The following BTD variants were observed in gnomAD, a reference collection of about 807,000 sequenced individuals.
BTD encodes the protein biotinidase, also known as biocytinase.
A neutral mutation model predicts 17.7 loss-of-function variants in BTD; 13 were observed. The observed-to-expected ratio is 0.74, with a 90% CI of 0.48 to 1.17. The LOEUF (loss-of-function observed/expected upper bound fraction) is 1.17, where lower values mean the gene tolerates loss of function less well. Ranked by LOEUF, BTD falls within the 50% of genes most tolerant of loss-of-function variation. BTD has a pLI of 0.00. For synonymous variants in BTD, 240 were observed against 245.2 expected (o/e 0.98, Z 0.20); for missense variants, 674 against 650.4 (o/e 1.04, Z -0.39).
chr3:15,627,275 C>T (rs2065089473), intron 1 of BTD, among the ~76,000 whole-genome samples: 1 of 152,190 alleles, frequency 6.6e-6, no homozygotes, highest in Non-Finnish European at 1.5e-5. Flanking sequence ...CCTCTTAAGA[C>T]AGGGTCCTGC....
At chr3:15,685,761 A>G (rs555754101) in intron 3 of BTD, among the ~76,000 whole-genome samples, 1 of 152,324 alleles carries the variant, frequency 6.6e-6, no homozygotes, top group African/African-American at 2.4e-5. Context: ...AAAAAGTCAA[A>G]TTGACATTAA....
At position 15,707,991 on chromosome 3, in the gene BTD, C is replaced by G. The variant is rs777128523; in HGVS notation, c.400-2069C>G. On this transcript the variant is annotated intron_variant, in intron 3 of 3. Coordinates refer to the BTD transcript ENST00000672141. ...CAGCCTCTTTCATCAAGGTCATTCA[C>G]ACTTGCTCCTGATCCCACAAGAGCA... 1.2e-6 allele frequency: 2 copies of G among 1,612,106 alleles called. No homozygotes were observed. The highest frequency in any genetic ancestry group is 1.7e-6 in the Non-Finnish European group (2 of 1,179,104).
intron 1 of BTD, among the ~76,000 whole-genome samples, chr3:15,619,731 C>G (rs1172854803): frequency 1.3e-5 from 2 of 152,116 alleles, no homozygotes; most frequent in African/African-American, 4.8e-5. Flanking sequence ...CTGGGAGAAC[C>G]CACCCCCAAT....
intron 2 of BTD, among the ~76,000 whole-genome samples, chr3:15,639,420 A>G (rs1349271247): frequency 6.6e-6 from 1 of 152,214 alleles, no homozygotes; most frequent in African/African-American, 2.4e-5. Flanking sequence ...AACCAGTAAG[A>G]TGGTAAAGCT....
At position 15,679,549 on chromosome 3, in the gene BTD, C is replaced by T. The variant is rs201067625; in HGVS notation, c.400-30511C>T. The T allele has an allele frequency of 5.2e-5, 84 of 1,611,990 alleles. No homozygotes were observed. The African/African-American group carries it at 1.0e-3, about 19-fold the overall frequency. On this transcript the variant is annotated intron_variant, in intron 3 of 3. Transcript: ENST00000672141. ...ACTTCCTGTTCTAAAAGCAGTTCTA[C>T]ACATGTCTCGTGACCTAAATAGGTG...
At chr3:15,677,036 C>T (rs775161986) in intron 3 of BTD, 1 of 1,613,078 alleles carries the variant, frequency 6.2e-7, no homozygotes, top group Non-Finnish European at 8.5e-7. Context: ...CCAGTATTAA[C>T]AAGGCACTAG....
At chr3:15,694,581 A>T (rs2125873730) in intron 3 of BTD, among the ~76,000 whole-genome samples, 1 of 152,000 alleles carries the variant, frequency 6.6e-6, no homozygotes, top group African/African-American at 2.4e-5. Flanking sequence ...CACATTAAGT[A>T]ATTCTCTGAA....
At chr3:15,660,819 GC>G (rs1264717054) in intron 3 of BTD, among the ~76,000 whole-genome samples, 1 of 152,024 alleles carries the variant, frequency 6.6e-6, no homozygotes, top group Admixed American at 6.6e-5. Context: ...TCTTTTTACT[GC>G]CCCCATAGTT....
chr3:15,670,246 G>A (rs779457399), intron 3 of BTD: 2 of 1,605,120 alleles, frequency 1.2e-6, no homozygotes, highest in Admixed American at 1.7e-5. Flanking sequence ...GCTTTACTGT[G>A]AGAACTCCCT....
chr3:15,641,990 TC>T lies in BTD; in HGVS notation c.333del (p.Phe111LeufsTer28), dbSNP rs397514356. 1 of 1,614,192 alleles carries T rather than the reference TC, an allele frequency of 6.2e-7. No individual in the cohort carries two copies. Among genetic ancestry groups the T allele is most frequent in the Middle Eastern group, 1.6e-4 (1 of 6,062 alleles). On this transcript the variant is annotated frameshift_variant, in exon 3 of 4. Coordinates refer to ENST00000643237, the MANE Select transcript of BTD (RefSeq NM_001370658.1). LOFTEE classifies it high-confidence loss of function. ...ACATCCATTTATCCATTTTTGGACTTCATGCCGTCTCCCCAGGTGGTCAGGT... is the reference window on the plus strand; with the variant it reads ...ACATCCATTTATCCATTTTTGGACTTATGCCGTCTCCCCAGGTGGTCAGGT... ...TRTSIYPFLD[F>X]MPSPQVVRWN... is the part of the protein sequence containing the mutation.
intron 3 of BTD, among the ~76,000 whole-genome samples, chr3:15,687,191 C>T (rs2068230035): frequency 6.6e-6 from 1 of 152,102 alleles, no homozygotes; most frequent in African/African-American, 2.4e-5. Flanking sequence ...GATCCACCCA[C>T]CTCGGCCTCC....
chr3:15,680,944 G>A (rs2067475137), intron 3 of BTD, among the ~76,000 whole-genome samples: 1 of 152,190 alleles, frequency 6.6e-6, no homozygotes, highest in African/African-American at 2.4e-5. Flanking sequence ...TGGGATTACA[G>A]GCATAAGCCA....
chr3:15,635,611 A>T lies in BTD; in HGVS notation c.172A>T (p.Ser58Cys), dbSNP rs775163314. Residue 58 changes from serine to cysteine, a missense_variant, in exon 2 of 4, where the codon AGC becomes TGC. By Grantham distance (112) the Ser-to-Cys change is moderately radical. Transcript: ENST00000643237. This position sits in a 1 kb window ranked among gnomAD's most constrained non-coding sequence, Gnocchi z 4.1. ...ILSLNPLALI[S>C]RQEALELMNQ... Reference sequence around the variant, plus strand: ...GAGTCTGAACCCTCTGGCTCTCATCAGCCGCCAAGAGGCCTTGGAGCTCAT... The same window carrying T: ...GAGTCTGAACCCTCTGGCTCTCATCTGCCGCCAAGAGGCCTTGGAGCTCAT... 4 of 1,614,104 alleles carry T rather than the reference A, an allele frequency of 2.5e-6. No homozygotes were observed. The highest frequency in any genetic ancestry group is 3.4e-6 in the Non-Finnish European group (4 of 1,180,048).
intron 3 of BTD, among the ~76,000 whole-genome samples, chr3:15,672,313 A>G (rs1392900386): frequency 6.6e-6 from 1 of 151,652 alleles, no homozygotes; most frequent in Non-Finnish European, 1.5e-5. Flanking sequence ...GCTAATTTTT[A>G]AACTTTTTTG....
intron 1 of BTD, among the ~76,000 whole-genome samples, chr3:15,617,487 T>C (rs1033327092): frequency 1.3e-5 from 2 of 152,256 alleles, no homozygotes; most frequent in African/African-American, 4.8e-5. Flanking sequence ...GTTTTTTACA[T>C]GTGGGTGTCC....
downstream of BTD, among the ~76,000 whole-genome samples, chr3:15,658,382 G>A (rs1559288611): frequency 6.6e-6 from 1 of 152,300 alleles, no homozygotes; most frequent in East Asian, 1.9e-4. Context: ...TCCAGCACCT[G>A]TTAATTGAGT....
At chr3:15,698,016 G>A (rs972015990) in intron 3 of BTD, among the ~76,000 whole-genome samples, 1 of 151,650 alleles carries the variant, frequency 6.6e-6, no homozygotes, top group Admixed American at 6.6e-5. Context: ...TAGTTTATTT[G>A]CGTAGAGGTG....
At chr3:15,710,030 T>C (rs1464860204) in intron 3 of BTD, among the ~76,000 whole-genome samples, 1 of 95,408 alleles carries the variant, frequency 1.0e-5, no homozygotes, top group Non-Finnish European at 2.0e-5. Context: ...AACAACTTGC[T>C]TATAGGTTTT....
At chr3:15,692,857 A>AACCCAGCATCTATT (rs1335113631) in intron 3 of BTD, among the ~76,000 whole-genome samples, 2 of 152,254 alleles carry the variant, frequency 1.3e-5, no homozygotes, top group African/African-American at 2.4e-5. Flanking sequence ...AGAAGAAAGC[A>AACCCAGCATCTATT]ACCCAGCATC....
Sources: gnomAD v4.1 joint callset for allele counts (sites outside exome capture counted in the v4.1 genomes callset) on GRCh38, gnomAD v4.1.1 for gene constraint, Gnocchi (gnomAD v3.1) non-coding constraint, MANE v1.5 for transcripts, NCBI Gene and HGNC (gene_info 2026-07-23, HGNC 2026-07-21) for gene names.